Variants in KATNIP observed in about 807,000 individuals in gnomAD.
The protein encoded by KATNIP is katanin-interacting protein.
A neutral mutation model predicts 174.0 loss-of-function variants in KATNIP; 126 were observed. The observed-to-expected ratio is 0.72, with a 90% CI of 0.63 to 0.84. The LOEUF (loss-of-function observed/expected upper bound fraction) is 0.84. KATNIP is among the 40% of genes least tolerant of loss of function. KATNIP has a pLI of 0.00. For missense variants in KATNIP, 1,958 were observed against 2,109.7 expected, an observed-to-expected ratio of 0.93 and a Z score of 1.41; for synonymous variants, 810 against 835.7, an observed-to-expected ratio of 0.97 and a Z score of 0.53.
intron 8 of KATNIP, among the ~76,000 whole-genome samples, chr16:27,689,093 G>A (rs189011378): frequency 2.6e-4 from 39 of 152,336 alleles, no homozygotes; most frequent in South Asian, 4.1e-4. Flanking sequence ...GTAGACAAAA[G>A]CCACTGCTAT....
At chr16:27,647,711 G>T (rs977216381) in intron 5 of KATNIP, among the ~76,000 whole-genome samples, 5 of 152,074 alleles carry the variant, frequency 3.3e-5, no homozygotes, top group African/African-American at 4.8e-5. Context: ...CTCCATCTTG[G>T]TCAGGCTGGT....
rs777454247 is a variant in KATNIP, at chr16:27,632,920, T to C, written c.408+1758T>C. ...TGCCTGCCACCACACTCGGCTGATT[T>C]TGTATTTTTAATAGAGACTGGGTTT... On this transcript the variant is annotated intron_variant, in intron 5 of 27. Coordinates refer to ENST00000261588, the MANE Select transcript of KATNIP (RefSeq NM_015202.5). Among the ~76,000 whole-genome samples the C allele has an allele frequency of 1.2e-3, 178 of 152,070 alleles. 2 individuals carry two copies. The highest frequency in any genetic ancestry group is 3.8e-4 in the Non-Finnish European group (26 of 67,968).
At chr16:27,658,386 T>A (rs573760958) in intron 6 of KATNIP, among the ~76,000 whole-genome samples, 3 of 152,230 alleles carry the variant, frequency 2.0e-5, no homozygotes, top group Non-Finnish European at 4.4e-5. Flanking sequence ...CTCCCAGTGA[T>A]TCTGAACCAG....
At chr16:27,719,688 C>CTT (rs766052561) in intron 13 of KATNIP, among the ~76,000 whole-genome samples, 4 of 138,676 alleles carry the variant, frequency 2.9e-5, no homozygotes, top group Non-Finnish European at 3.2e-5. Flanking sequence ...GCCCTTATTT[C>CTT]TTTTTTTTTT....
intron 2 of KATNIP, among the ~76,000 whole-genome samples, chr16:27,586,758 G>A (rs1335219903): frequency 6.6e-6 from 1 of 151,034 alleles, no homozygotes; most frequent in Non-Finnish European, 1.5e-5. Context: ...GAGCCCGGGA[G>A]ATTGAGTGTG....
chr16:27,602,779 A>ACCT (rs1214822111), intron 2 of KATNIP, among the ~76,000 whole-genome samples: 1 of 151,754 alleles, frequency 6.6e-6, no homozygotes, highest in Non-Finnish European at 1.5e-5. Flanking sequence ...GCTCACTGCA[A>ACCT]CCTCCTCCTC....
At chr16:27,676,928 T>A (rs1486968048) in intron 6 of KATNIP, among the ~76,000 whole-genome samples, 1 of 152,176 alleles carries the variant, frequency 6.6e-6, no homozygotes, top group African/African-American at 2.4e-5. Context: ...TGCCTCGGCC[T>A]CCCAAAGTGA....
At chr16:27,620,439 G>T (rs902038865) in intron 3 of KATNIP, among the ~76,000 whole-genome samples, 1 of 152,182 alleles carries the variant, frequency 6.6e-6, no homozygotes, top group African/African-American at 2.4e-5. Flanking sequence ...TACAGGCAAG[G>T]AAGTGGAGGC....
At chr16:27,709,564 A>G (rs921995515) in intron 13 of KATNIP, among the ~76,000 whole-genome samples, 1 of 152,218 alleles carries the variant, frequency 6.6e-6, no homozygotes, top group Non-Finnish European at 1.5e-5. Context: ...CAGAGGTTAC[A>G]GTAAGCCGAG....
intron 3 of KATNIP, among the ~76,000 whole-genome samples, chr16:27,624,500 C>A (rs372827540): frequency 2.6e-5 from 4 of 152,232 alleles, no homozygotes; most frequent in African/African-American, 9.6e-5. Context: ...AACTTGAGAT[C>A]CTTGGGGTCA....
At chr16:27,713,847 T>G (rs1462636754) in intron 13 of KATNIP, among the ~76,000 whole-genome samples, 7 of 81,948 alleles carry the variant, frequency 8.5e-5, no homozygotes, top group Non-Finnish European at 1.2e-4. Flanking sequence ...TATATATATA[T>G]ATATATATAT....
At chr16:27,649,375 C>G (rs189769927) in intron 6 of KATNIP, among the ~76,000 whole-genome samples, 84 of 152,352 alleles carry the variant, frequency 5.5e-4, no homozygotes, top group African/African-American at 1.9e-3. Context: ...AAAAGTATAT[C>G]CCAGTCCTTC....
chr16:27,740,922 T>TAA lies in KATNIP; in HGVS notation c.2623+3_2623+4dup. The TAA allele has an allele frequency of 6.3e-7, 1 of 1,587,524 alleles. No individual in the cohort carries two copies. The highest frequency in any genetic ancestry group is 8.6e-7 in the Non-Finnish European group (1 of 1,167,324). ...GGGACGACCAGCCAGCCAGCAGAGG[T>TAA]AAGCTCCAAAGAGCAGCCCGACTTG... On this transcript the variant is annotated splice_region_variant and intron_variant, in intron 15 of 27. Transcript: ENST00000261588.
intron 19 of KATNIP, among the ~76,000 whole-genome samples, chr16:27,765,268 A>T (rs893182799): frequency 2.0e-5 from 3 of 152,234 alleles, no homozygotes; most frequent in Non-Finnish European, 4.4e-5. Flanking sequence ...GGGCTGAGGC[A>T]TGCTGGGCAG....
intron 2 of KATNIP, among the ~76,000 whole-genome samples, chr16:27,581,088 G>A (rs2090682620): frequency 6.6e-6 from 1 of 151,962 alleles, no homozygotes; most frequent in Admixed American, 6.6e-5. Context: ...TAATGTATGT[G>A]TACAGCAAAA....
At chr16:27,670,047 A>G (rs535656148) in intron 6 of KATNIP, among the ~76,000 whole-genome samples, 1 of 152,346 alleles carries the variant, frequency 6.6e-6, no homozygotes, top group East Asian at 1.9e-4. Flanking sequence ...AAAAGAAGAA[A>G]AAGAAACCAA....
Position 27,779,103 on chromosome 16 carries a change from G to C in KATNIP, c.*474G>C, listed in dbSNP as rs572152191. On this transcript the variant is annotated 3_prime_UTR_variant, in exon 28 of 28. Transcript: ENST00000261588. The stretch of plus-strand genomic sequence containing the variant: ...ACTGCCTTCAGAAACCTGAGCTTCA[G>C]CGGCCAACACCCCCCATCCCCTGCG... The C allele has an allele frequency of 1.9e-5, 3 of 156,228 alleles. No homozygotes were observed. The highest frequency in any genetic ancestry group is 7.2e-5 in the African/African-American group (3 of 41,746). 9.7% of individuals were successfully genotyped at this position (156,228 alleles called of 1,614,324 possible). A position where few individuals can be genotyped will look rare whatever the true frequency, so the allele number is the denominator to read the frequency against.
intron 6 of KATNIP, among the ~76,000 whole-genome samples, chr16:27,664,220 C>T (rs923919769): frequency 6.6e-6 from 1 of 152,134 alleles, no homozygotes; most frequent in African/African-American, 2.4e-5. Context: ...AATTTGGCCA[C>T]ATTATGATTT....
rs1380125403 is a variant in KATNIP, at chr16:27,557,277, G to T, written c.7+7100G>T. 2.0e-5 allele frequency among the ~76,000 whole-genome samples: 3 copies of T among 151,992 alleles called. No homozygotes were observed. In the East Asian group the frequency reaches 5.8e-4, roughly 29 times the overall value. On this transcript the variant is annotated intron_variant, in intron 1 of 27. Transcript: ENST00000261588. The stretch of plus-strand genomic sequence containing the variant: ...CTGCCTCAGCCTCCTGGGTAGCTGG[G>T]ATTACAGGCACATGCCACCACGCCC...
Sources: gnomAD v4.1 joint callset for allele counts (sites outside exome capture counted in the v4.1 genomes callset) on GRCh38, gnomAD v4.1.1 for gene constraint, MANE v1.5 for transcripts, NCBI Gene and HGNC (gene_info 2026-07-23, HGNC 2026-07-21) for gene names.